ARFGEF3: variants seen among roughly 807,000 people sequenced by gnomAD.
ARFGEF3 encodes ARFGEF family member 3.
ARFGEF3 carries 96 observed loss-of-function variants against 221.7 expected under a neutral mutation model. The observed-to-expected ratio is 0.43, with a 90% CI of 0.37 to 0.51. The LOEUF is 0.51. Ranked by LOEUF, ARFGEF3 falls within the 20% of genes least tolerant of loss-of-function variation. ARFGEF3 has a pLI of 0.00. For missense variants in ARFGEF3, 2,410 were observed against 2,789.9 expected (o/e 0.86, Z 3.07); for synonymous variants, 1,145 against 1,126.8 (o/e 1.02, Z -0.32).
chr6:138,295,060 A>T (rs1202511082), intron 20 of ARFGEF3, among the ~76,000 whole-genome samples: 1 of 152,338 alleles, frequency 6.6e-6, no homozygotes, highest in East Asian at 1.9e-4. Flanking sequence ...AGACTTTCAG[A>T]GAATCTCTGA....
At chr6:138,269,293 C>T (rs930846414) in intron 12 of ARFGEF3, among the ~76,000 whole-genome samples, 60 of 152,258 alleles carry the variant, frequency 3.9e-4, no homozygotes, top group African/African-American at 1.4e-3. Context: ...CTGGAAGGAG[C>T]TCTAGCTTTG....
intron 1 of ARFGEF3, among the ~76,000 whole-genome samples, chr6:138,167,114 G>A (rs1393461331): frequency 2.6e-5 from 4 of 152,134 alleles, no homozygotes; most frequent in East Asian, 1.9e-4. Flanking sequence ...GGACACAACT[G>A]GGCACCTGCT....
At position 138,321,126 on chromosome 6, in the gene ARFGEF3, GCATGATCAATAC is replaced by G. The variant is rs1163558810; in HGVS notation, c.4672_4683del (p.Ile1558_Met1561del). Reference sequence around the variant, plus strand: ...TTTCCCATAGATATCAGGTACGAGAGCATGATCAATACCATGCTGAAGGACCTCTTTGAGTTG... The same window carrying G: ...TTTCCCATAGATATCAGGTACGAGAGCATGCTGAAGGACCTCTTTGAGTTG... On this transcript the variant is annotated inframe_deletion, in exon 29 of 34. Transcript: ENST00000251691. 6.4e-7 allele frequency: 1 copy of G among 1,557,724 alleles called. No homozygotes were observed. Among genetic ancestry groups the G allele is most frequent in the South Asian group, 1.2e-5 (1 of 84,436 alleles).
At chr6:138,295,360 C>T (rs527682137) in intron 20 of ARFGEF3, among the ~76,000 whole-genome samples, 94 of 151,954 alleles carry the variant, frequency 6.2e-4, no homozygotes, top group Non-Finnish European at 1.0e-3. Context: ...CAGCTCATGC[C>T]TATAATCCCA....
intron 22 of ARFGEF3, among the ~76,000 whole-genome samples, chr6:138,304,473 G>A (rs1395250473): frequency 6.6e-6 from 1 of 152,104 alleles, no homozygotes; most frequent in Non-Finnish European, 1.5e-5. Flanking sequence ...CTTGTCATTA[G>A]TCTTTGAAGA....
rs1466849603 is a variant in ARFGEF3 at position 138,162,573 on chromosome 6, G to A, written c.85+402G>A. ...ACAACCCCGATGTCGAATCCTTGGC[G>A]AGTGGAACCAGGAAGGAAAGGCTTG... On this transcript the variant is annotated intron_variant, in intron 1 of 33. Transcript: ENST00000251691. This position sits in a 1 kb window ranked among gnomAD's most constrained non-coding sequence, Gnocchi z 4.7. Among the ~76,000 whole-genome samples, 1 of 152,238 alleles carries A rather than the reference G, an allele frequency of 6.6e-6. No individual in the cohort carries two copies. Among genetic ancestry groups the A allele is most frequent in the Non-Finnish European group, 1.5e-5 (1 of 68,048 alleles).
At chr6:138,193,079 C>T (rs532533238) in intron 2 of ARFGEF3, among the ~76,000 whole-genome samples, 1 of 152,256 alleles carries the variant, frequency 6.6e-6, no homozygotes, top group South Asian at 2.1e-4. Flanking sequence ...ATGCAAGACC[C>T]TTCAAAAGCT....
intron 4 of ARFGEF3, among the ~76,000 whole-genome samples, chr6:138,211,430 G>A (rs985793567): frequency 7.2e-5 from 11 of 152,170 alleles, no homozygotes; most frequent in Non-Finnish European, 1.0e-4. Flanking sequence ...TTTGGCAGCT[G>A]TGCATTCTTA....
chr6:138,337,185 G>A lies in ARFGEF3; in HGVS notation c.*699G>A, dbSNP rs920772800. 6.6e-6 allele frequency: 1 copy of A among 152,666 alleles called. No homozygotes were observed. The highest frequency in any genetic ancestry group is 1.5e-5 in the Non-Finnish European group (1 of 68,054). The allele number at this position is 152,666 out of a possible 1,614,324, so 9.5% of individuals were successfully genotyped here. On this transcript the variant is annotated 3_prime_UTR_variant, in exon 34 of 34. Transcript: ENST00000251691. ...AAGTTCTTTCCTAGCAGGGTTTGAA[G>A]TCTGTGGCTTATCAGCCTGTGACAC...
In ARFGEF3 at chr6:138,170,689, T is replaced by C; in HGVS notation, c.113T>C (p.Val38Ala). The C allele has an allele frequency of 6.3e-7, 1 of 1,587,652 alleles. No individual in the cohort carries two copies. Among genetic ancestry groups the C allele is most frequent in the East Asian group, 2.2e-5 (1 of 44,782 alleles). The change falls in exon 2 of 34, where the codon GTC becomes GCC. Residue 38 changes from valine to alanine, a missense_variant. Val to Ala is a moderately conservative substitution (Grantham distance 64, BLOSUM62 0). Transcript: ENST00000251691. ...LETLGGLDTI[V>A]KIPPHVLREK... is the part of the protein sequence containing the mutation. ...ACTCTAGGTGGTCTGGATACCATTG[T>C]CAAGATCCCTCCACATGTACTGAGG... is the stretch of plus-strand genomic sequence containing the variant.
chr6:138,175,513 A>G (rs1395851865), intron 2 of ARFGEF3, among the ~76,000 whole-genome samples: 1 of 152,222 alleles, frequency 6.6e-6, no homozygotes, highest in African/African-American at 2.4e-5. Context: ...GTCTTAGATT[A>G]GAATCATCCT....
intron 4 of ARFGEF3, among the ~76,000 whole-genome samples, chr6:138,228,172 ATTTTTTTTT>A (rs549915422): frequency 9.4e-6 from 1 of 106,430 alleles, no homozygotes; most frequent in Admixed American, 1.1e-4. Context: ...CACTGAGACA[ATTTTTTTTT>A]TTTTTTTTTT....
chr6:138,237,480 C>G (rs1178577155), intron 5 of ARFGEF3, among the ~76,000 whole-genome samples: 1 of 152,138 alleles, frequency 6.6e-6, no homozygotes, highest in African/African-American at 2.4e-5. Flanking sequence ...TCTGAAAAGT[C>G]ATGACTTTTA....
intron 22 of ARFGEF3, among the ~76,000 whole-genome samples, chr6:138,306,125 A>C (rs561402233): frequency 6.6e-6 from 1 of 152,300 alleles, no homozygotes; most frequent in South Asian, 2.1e-4. Context: ...GAGCAAGGTC[A>C]CTGCATTCAA....
chr6:138,323,326 T>C (rs1030765466), intron 29 of ARFGEF3, among the ~76,000 whole-genome samples: 8 of 152,082 alleles, frequency 5.3e-5, no homozygotes, highest in Admixed American at 3.9e-4. Context: ...CAAGACTCCT[T>C]TGTGGCCGGG....
At chr6:138,169,154 T>C (rs7765229) in intron 1 of ARFGEF3, among the ~76,000 whole-genome samples, 13,930 of 152,176 alleles carry the variant, frequency 0.092, 1,175 homozygotes, top group African/African-American at 0.23. Context: ...CAAGCTGGAG[T>C]GGAGCTGGGA....
In ARFGEF3 at chr6:138,336,936, A is replaced by T. The variant is rs1780338004; in HGVS notation, c.*450A>T. ...AACACTCAGACATCTAGTACCAGGG[A>T]TTATTAATTGGAGGAAGATTTATGG... On this transcript the variant is annotated 3_prime_UTR_variant, in exon 34 of 34. Coordinates refer to ENST00000251691, the MANE Select transcript of ARFGEF3 (RefSeq NM_020340.5). The T allele has an allele frequency of 6.6e-6, 1 of 152,566 alleles. No homozygotes were observed. The highest frequency in any genetic ancestry group is 1.5e-5 in the Non-Finnish European group (1 of 68,138). 9.5% of individuals were successfully genotyped at this position (152,566 alleles called of 1,614,324 possible). A position where few individuals can be genotyped will look rare whatever the true frequency, so the allele number is the denominator to read the frequency against.
At chr6:138,321,390 C>T (rs1181562807) in intron 29 of ARFGEF3, among the ~76,000 whole-genome samples, 165 bp downstream of exon 29, 1 of 152,146 alleles carries the variant, frequency 6.6e-6, no homozygotes, top group African/African-American at 2.4e-5. Context: ...TTTCAGTGTT[C>T]AGTCAGCAAA....
intron 4 of ARFGEF3, among the ~76,000 whole-genome samples, chr6:138,215,121 A>G (rs1207253043): frequency 1.3e-5 from 2 of 152,252 alleles, no homozygotes; most frequent in South Asian, 2.1e-4. Context: ...CAGATTGTAT[A>G]GGAGCCATGT....
Sources: allele counts gnomAD v4.1 joint callset (sites outside exome capture counted in the v4.1 genomes callset), GRCh38; gene constraint gnomAD v4.1.1; non-coding constraint Gnocchi (gnomAD v3.1); transcripts MANE v1.5; gene names NCBI Gene and HGNC (gene_info 2026-07-23, HGNC 2026-07-21).